GRIA4: variants seen among roughly 807,000 people sequenced by gnomAD.
GRIA4 encodes the protein glutamate receptor 4.
Under a neutral mutation model 104.0 loss-of-function variants are expected in GRIA4, and 34 were observed. That is an observed-to-expected ratio of 0.33 (90% CI 0.25 to 0.44). GRIA4 has a LOEUF of 0.44. Ranked by LOEUF, GRIA4 falls within the 20% of genes least tolerant of loss-of-function variation. The pLI is 1.00. For synonymous variants in GRIA4, 386 were observed against 381.9 expected, an observed-to-expected ratio of 1.01 and a Z score of -0.13; for missense variants, 750 against 1,096.5, an observed-to-expected ratio of 0.68 and a Z score of 4.46.
At chr11:105,634,803 A>T (rs768610558) in intron 3 of GRIA4, among the ~76,000 whole-genome samples, 1 of 152,202 alleles carries the variant, frequency 6.6e-6, no homozygotes, top group Non-Finnish European at 1.5e-5. Context: ...TTGCTGCATG[A>T]TTTTGAAAAT....
At chr11:105,900,113 T>G (rs2136133503) in intron 7 of GRIA4, among the ~76,000 whole-genome samples, 1 of 152,254 alleles carries the variant, frequency 6.6e-6, no homozygotes, top group Non-Finnish European at 1.5e-5. Flanking sequence ...ACTCAAATTT[T>G]TCACCACTCT....
intron 9 of GRIA4, 103 bp from the exon 10 acceptor site, chr11:105,910,332 C>A: frequency 3.2e-6 from 2 of 616,942 alleles, no homozygotes; most frequent in Non-Finnish European, 5.9e-6. Flanking sequence ...TGTTTGCTTA[C>A]ATTTGTTTTG....
chr11:105,773,891 A>G (rs1376707793), intron 4 of GRIA4, among the ~76,000 whole-genome samples: 1 of 151,992 alleles, frequency 6.6e-6, no homozygotes, highest in Non-Finnish European at 1.5e-5. Context: ...AAAAAGTAAG[A>G]GTATAATTAA....
chr11:105,861,386 T>C (rs1239362376), intron 4 of GRIA4, among the ~76,000 whole-genome samples: 2 of 152,208 alleles, frequency 1.3e-5, no homozygotes, highest in South Asian at 2.1e-4. Context: ...TATTTGGTCA[T>C]CAGTCTCTTA....
intron 14 of GRIA4, among the ~76,000 whole-genome samples, chr11:105,957,568 G>T (rs1591486092): frequency 6.6e-6 from 1 of 152,174 alleles, no homozygotes; most frequent in East Asian, 1.9e-4. Context: ...TTGTTCTTTT[G>T]GCTTAGGATT....
intron 3 of GRIA4, among the ~76,000 whole-genome samples, chr11:105,688,532 C>T (rs1413835510): frequency 6.6e-6 from 1 of 152,018 alleles, no homozygotes; most frequent in Non-Finnish European, 1.5e-5. Context: ...CACTGCACTC[C>T]AGCCTGGGCG....
intron 13 of GRIA4, among the ~76,000 whole-genome samples, chr11:105,927,618 A>G (rs1947746470): frequency 1.3e-5 from 2 of 152,060 alleles, no homozygotes; most frequent in South Asian, 4.1e-4. Context: ...ATTGCATTGT[A>G]TGTCCCTTTG....
At chr11:105,936,680 G>A (rs559174884) in intron 14 of GRIA4, among the ~76,000 whole-genome samples, 2 of 152,266 alleles carry the variant, frequency 1.3e-5, no homozygotes, top group East Asian at 1.9e-4. Flanking sequence ...ACAGAAAAGA[G>A]GAGAGAGTAC....
rs1951457993 is a variant in GRIA4, at chr11:105,644,278, A to G, written c.247+31844A>G. ...AAAGCCACATCAAGCTCAGTGGTCT[A>G]TAATTGTTGAGTCTAACACTTTATC... On this transcript the variant is annotated intron_variant, in intron 3 of 16. Transcript: ENST00000282499. Among the ~76,000 whole-genome samples, 2 of 152,128 alleles carry G rather than the reference A, an allele frequency of 1.3e-5. 1 individual carries two copies. The highest frequency in any genetic ancestry group is 4.2e-4 in the South Asian group (2 of 4,816).
At chr11:105,899,576 TA>T (rs1213745031) in intron 7 of GRIA4, among the ~76,000 whole-genome samples, 1 of 152,228 alleles carries the variant, frequency 6.6e-6, no homozygotes, top group Admixed American at 6.5e-5. Flanking sequence ...AGTAGCCATT[TA>T]ATAAATAAAT....
intron 3 of GRIA4, among the ~76,000 whole-genome samples, chr11:105,634,524 GAAAGAAAAGAAAGAA>G (rs1951152461): frequency 4.8e-5 from 2 of 41,320 alleles, no homozygotes; most frequent in Non-Finnish European, 9.3e-5. Flanking sequence ...AAGAAAGAAA[GAAAGAAAAGAAAGAA>G]AAAGAAAAAG....
chr11:105,691,287 G>A (rs1238814407), intron 3 of GRIA4, among the ~76,000 whole-genome samples: 4 of 151,890 alleles, frequency 2.6e-5, no homozygotes, highest in Admixed American at 2.6e-4. Context: ...TGACAAGACT[G>A]AACAACAACA....
intron 5 of GRIA4, among the ~76,000 whole-genome samples, chr11:105,877,911 CA>C (rs1945893924): frequency 6.6e-6 from 1 of 152,178 alleles, no homozygotes; most frequent in South Asian, 2.1e-4. Flanking sequence ...CTACTTCTGT[CA>C]ATTCATCAAA....
At chr11:105,712,881 G>A (rs12290919) in intron 3 of GRIA4, among the ~76,000 whole-genome samples, 72,155 of 151,754 alleles carry the variant, frequency 0.48, 17,771 homozygotes, top group Admixed American at 0.58. Flanking sequence ...AAAGAGCTCA[G>A]CAAAAAGGAT....
At chr11:105,844,143 C>T (rs1436057573) in intron 4 of GRIA4, among the ~76,000 whole-genome samples, 1 of 152,064 alleles carries the variant, frequency 6.6e-6, no homozygotes, top group Non-Finnish European at 1.5e-5. Flanking sequence ...GTACAGTCAC[C>T]CTACTTATAA....
At chr11:105,877,892 T>G (rs1945893092) in intron 5 of GRIA4, among the ~76,000 whole-genome samples, 1 of 152,170 alleles carries the variant, frequency 6.6e-6, no homozygotes, top group Admixed American at 6.5e-5. Flanking sequence ...ATTACCCACC[T>G]TCTGAAGCCT....
At chr11:105,950,488 G>A (rs1250732229) in intron 14 of GRIA4, among the ~76,000 whole-genome samples, 2 of 151,778 alleles carry the variant, frequency 1.3e-5, no homozygotes, top group African/African-American at 4.8e-5. Flanking sequence ...TACTGTTCTT[G>A]GGACCCAAGA....
chr11:105,709,061 C>G (rs1460956145), intron 3 of GRIA4, among the ~76,000 whole-genome samples: 2 of 151,600 alleles, frequency 1.3e-5, no homozygotes, highest in Non-Finnish European at 2.9e-5. Flanking sequence ...ATATCTGAGG[C>G]AGGGAAAATA....
At chr11:105,752,402 A>T (rs1322057366) in intron 3 of GRIA4, among the ~76,000 whole-genome samples, 1 of 152,174 alleles carries the variant, frequency 6.6e-6, no homozygotes, top group Non-Finnish European at 1.5e-5. Context: ...TTCAAACATG[A>T]TTCAAGGAGA....
Sources: allele counts gnomAD v4.1 joint callset (sites outside exome capture counted in the v4.1 genomes callset), GRCh38; gene constraint gnomAD v4.1.1; transcripts MANE v1.5; gene names NCBI Gene and HGNC (gene_info 2026-07-23, HGNC 2026-07-21).